The following PRR14L variants were observed in gnomAD, a reference collection of about 807,000 sequenced individuals.
PRR14L encodes the protein protein PRR14L.
In PRR14L, 80 loss-of-function variants were observed where a neutral mutation model predicts 155.0. That is an observed-to-expected ratio of 0.52 (90% confidence interval 0.43 to 0.62). The LOEUF (loss-of-function observed/expected upper bound fraction) is 0.62, where lower values mean the gene tolerates loss of function less well. Among genes scored for constraint, PRR14L ranks in the 20% least tolerant of loss-of-function variants. PRR14L has a pLI of 0.00. For missense variants in PRR14L, 2,469 were observed against 2,548.0 expected (o/e 0.97, Z 0.67); for synonymous variants, 883 against 916.0 (o/e 0.96, Z 0.65).
Position 31,713,648 on chromosome 22 carries a change from G to A in PRR14L, c.4191C>T (p.Tyr1397=). Residue 1397 remains tyrosine (Y), a synonymous_variant, in exon 4 of 9, where the codon TAC becomes TAT. Transcript: ENST00000327423. ...EKQQSPEVLD[Y]MLQKEEKYIR... is the part of the protein sequence containing the mutation. ...TATATTTCTCTTCTTTCTGCAACAT[G>A]TAGTCCAAAACCTCAGGGCTCTGCT... is the stretch of plus-strand genomic sequence containing the variant. The A allele has an allele frequency of 1.3e-6, 2 of 1,551,964 alleles. No individual in the cohort carries two copies. The highest frequency in any genetic ancestry group is 1.7e-6 in the Non-Finnish European group (2 of 1,147,042).
intron 2 of PRR14L, among the ~76,000 whole-genome samples, chr22:31,731,330 C>T (rs939638634): frequency 2.0e-5 from 3 of 151,798 alleles, no homozygotes; most frequent in Non-Finnish European, 4.4e-5. Flanking sequence ...TTTGGGAGGC[C>T]GAGGTGGGCG....
intron 6 of PRR14L, among the ~76,000 whole-genome samples, 181 bp from the exon 7 acceptor site, chr22:31,701,943 G>A (rs1235614061): frequency 2.6e-5 from 4 of 151,948 alleles, no homozygotes; most frequent in Admixed American, 6.6e-5. Context: ...AAAGCGCTGG[G>A]GTTACAAGTA....
chr22:31,717,823 C>T (rs932302735), intron 3 of PRR14L, among the ~76,000 whole-genome samples: 10 of 152,010 alleles, frequency 6.6e-5, no homozygotes, highest in Admixed American at 2.0e-4. Flanking sequence ...TACAGTAGTG[C>T]GATCTCAGTT....
Position 31,712,429 on chromosome 22 carries a change from C to T in PRR14L, c.5410G>A (p.Gly1804Arg), listed in dbSNP as rs2074628597. The T allele has an allele frequency of 6.4e-7, 1 of 1,567,504 alleles. No homozygotes were observed. Among genetic ancestry groups the T allele is most frequent in the Non-Finnish European group, 8.7e-7 (1 of 1,155,626 alleles). ...CTGGTCTGGACTATGGCAGTGCCTC[C>T]ATAGTCTTGGAGAGGAGCTGGAGGC... ...PQPPAPLQDY[G>R]GTAIVQTRAD... is the part of the protein sequence containing the mutation. Residue 1804 changes from glycine to arginine, a missense_variant, in exon 4 of 9, where the codon GGA becomes AGA. Around this residue, in one of 2 missense-constraint regions of PRR14L, gnomAD observed 2,363 missense variants for 2,371.6 expected, o/e 1.00. Coordinates refer to ENST00000327423, the MANE Select transcript of PRR14L (RefSeq NM_173566.3).
chr22:31,710,663 C>T (rs908784635), intron 4 of PRR14L, among the ~76,000 whole-genome samples: 1 of 151,998 alleles, frequency 6.6e-6, no homozygotes, highest in Non-Finnish European at 1.5e-5. Context: ...ACGGTGTTAG[C>T]CAGGATGGTC....
In PRR14L at chr22:31,685,224, C is replaced by G. The variant is rs1377304124; in HGVS notation, c.*303G>C. 5 of 276,236 alleles carry G rather than the reference C, an allele frequency of 1.8e-5. No homozygotes were observed. The highest frequency in any genetic ancestry group is 3.4e-5 in the Non-Finnish European group (5 of 146,578). 17.1% of individuals were successfully genotyped at this position (276,236 alleles called of 1,614,324 possible). ...GTTACTGAAGATAGGCTGCTGCTTC[C>G]TCCTGTGGATGGCAGAGACTGAGGA... On this transcript the variant is annotated 3_prime_UTR_variant, in exon 9 of 9. Coordinates refer to ENST00000327423, the MANE Select transcript of PRR14L (RefSeq NM_173566.3).
chr22:31,696,065 T>C (rs1317646563), intron 7 of PRR14L, among the ~76,000 whole-genome samples: 2 of 152,150 alleles, frequency 1.3e-5, no homozygotes, highest in Admixed American at 6.6e-5. Flanking sequence ...ACCTAAAAAC[T>C]TTCCACAGAG....
intron 3 of PRR14L, among the ~76,000 whole-genome samples, chr22:31,723,599 C>G (rs924834250): frequency 2.6e-5 from 4 of 152,308 alleles, no homozygotes; most frequent in Admixed American, 6.5e-5. Flanking sequence ...CCTAGTAAGC[C>G]TCTAAGAACA....
chr22:31,710,602 G>A (rs1216846171), intron 4 of PRR14L, among the ~76,000 whole-genome samples: 3 of 151,834 alleles, frequency 2.0e-5, no homozygotes, highest in East Asian at 1.9e-4. Context: ...ACAGGCACCC[G>A]CCACTATGCC....
In PRR14L at chr22:31,704,590, T is replaced by C. The variant is rs367928224; in HGVS notation, c.5828+65A>G. ...ACAGACGATCCACACCACCTATGTATGCACTCTCTCTCTTGCACACACACA... is the reference window on the plus strand; with the variant it reads ...ACAGACGATCCACACCACCTATGTACGCACTCTCTCTCTTGCACACACACA... On this transcript the variant is annotated intron_variant, in intron 5 of 8. Coordinates refer to ENST00000327423, the MANE Select transcript of PRR14L (RefSeq NM_173566.3). The C allele has an allele frequency of 1.5e-4, 202 of 1,339,776 alleles. No homozygotes were observed. Among genetic ancestry groups the C allele is most frequent in the Non-Finnish European group, 1.9e-4 (182 of 934,710 alleles). The allele number at this position is 1,339,776 out of a possible 1,614,324, so 83.0% of individuals were successfully genotyped here.
intron 1 of PRR14L, among the ~76,000 whole-genome samples, chr22:31,744,620 T>C (rs1448871735): frequency 6.6e-6 from 1 of 152,182 alleles, no homozygotes; most frequent in African/African-American, 2.4e-5. Context: ...GCACCATCAA[T>C]ATTCTAGAGC....
chr22:31,702,001 T>C lies in PRR14L; in HGVS notation c.6001-239A>G, dbSNP rs536089744. Among the ~76,000 whole-genome samples the C allele has an allele frequency of 2.6e-5, 4 of 152,294 alleles. No homozygotes were observed. In the East Asian group the frequency reaches 5.8e-4, roughly 22 times the overall value. Reference sequence around the variant, plus strand: ...TTTATTTTTAGATGGGGTCTCGCTATATTGCCCAGGCTGGCCAGGAACTCT... The same window carrying C: ...TTTATTTTTAGATGGGGTCTCGCTACATTGCCCAGGCTGGCCAGGAACTCT... On this transcript the variant is annotated intron_variant, in intron 6 of 8. Transcript: ENST00000327423.
At chr22:31,696,609 T>G (rs2074536148) in intron 7 of PRR14L, among the ~76,000 whole-genome samples, 1 of 152,176 alleles carries the variant, frequency 6.6e-6, no homozygotes, top group South Asian at 2.1e-4. Flanking sequence ...ATCTAAGAAG[T>G]GTCCTGAATT....
intron 3 of PRR14L, among the ~76,000 whole-genome samples, chr22:31,723,911 C>G (rs779782581): frequency 6.6e-6 from 1 of 152,208 alleles, no homozygotes; most frequent in Non-Finnish European, 1.5e-5. Flanking sequence ...TGTTAGAAAT[C>G]GGGCGGCACA....
chr22:31,748,597 T>C (rs1239126859), intron 1 of PRR14L, among the ~76,000 whole-genome samples: 2 of 152,222 alleles, frequency 1.3e-5, no homozygotes, highest in Admixed American at 6.5e-5. Flanking sequence ...TATAGAGTCT[T>C]CATTTTCTTG....
At chr22:31,740,616 C>T (rs908769346) in intron 1 of PRR14L, among the ~76,000 whole-genome samples, 1 of 152,038 alleles carries the variant, frequency 6.6e-6, no homozygotes, top group African/African-American at 2.4e-5. Flanking sequence ...CTGCCTTGGC[C>T]CCGCAAAGTG....
chr22:31,717,194 G>T lies in PRR14L; in HGVS notation c.645C>A (p.His215Gln), dbSNP rs1376965192. Residue 215 changes from histidine to glutamine, a missense_variant, in exon 4 of 9, where the codon CAC becomes CAA. His to Gln is a conservative substitution (Grantham distance 24, BLOSUM62 0). Around this residue, in one of 2 missense-constraint regions of PRR14L, gnomAD observed 2,363 missense variants for 2,371.6 expected, o/e 1.00. Coordinates refer to ENST00000327423, the MANE Select transcript of PRR14L (RefSeq NM_173566.3). The part of the protein sequence containing the change: ...NGTKTDNNEG[H>Q]KNGNVSKDLS... ...GATCTTTACTCACATTGCCATTTTT[G>T]TGTCCTTCATTATTATCCGTCTTAG... 2 of 1,552,002 alleles carry T rather than the reference G, an allele frequency of 1.3e-6. No individual in the cohort carries two copies. Among genetic ancestry groups the T allele is most frequent in the Non-Finnish European group, 1.7e-6 (2 of 1,147,104 alleles).
rs1309866209 is a variant in PRR14L at position 31,685,263 on chromosome 22, C to T, written c.*264G>A. On this transcript the variant is annotated 3_prime_UTR_variant, in exon 9 of 9. Transcript: ENST00000327423. ...AGAGACTGAGGAGGTGGCTGGATGT[C>T]GTTCAGGTCCATTTCCAGGAGAAAG... 5.5e-6 allele frequency: 2 copies of T among 364,290 alleles called. No homozygotes were observed. The highest frequency in any genetic ancestry group is 8.7e-5 in the Admixed American group (2 of 23,108). 22.6% of individuals were successfully genotyped at this position (364,290 alleles called of 1,614,324 possible).
intron 1 of PRR14L, among the ~76,000 whole-genome samples, chr22:31,740,362 G>C (rs1183546939): frequency 6.6e-6 from 1 of 152,186 alleles, no homozygotes; most frequent in Non-Finnish European, 1.5e-5. Context: ...TGGGACTACA[G>C]GCGTGTGCCA....
Sources: gnomAD v4.1 joint callset for allele counts (sites outside exome capture counted in the v4.1 genomes callset) on GRCh38, gnomAD v4.1.1 for gene constraint, gnomAD v4.1.1 regional missense constraint, MANE v1.5 for transcripts, NCBI Gene and HGNC (gene_info 2026-07-23, HGNC 2026-07-21) for gene names.